Variants in FBXL17 observed in about 807,000 individuals in gnomAD.
The protein encoded by FBXL17 is F-box and leucine rich repeat protein 17.
In FBXL17, 22 loss-of-function variants were observed where a neutral mutation model predicts 66.2. The observed-to-expected ratio is 0.33, with a 90% CI of 0.24 to 0.47. FBXL17 has a LOEUF of 0.47. Ranked by LOEUF, FBXL17 falls within the 20% of genes least tolerant of loss-of-function variation. The pLI, the probability that FBXL17 is intolerant of heterozygous loss-of-function variation, is 1.00. For missense variants in FBXL17, 878 were observed against 948.2 expected, an observed-to-expected ratio of 0.93 and a Z score of 0.97; for synonymous variants, 474 against 400.5, an observed-to-expected ratio of 1.18 and a Z score of -2.19.
chr5:108,113,291 T>C (rs1750110913), intron 6 of FBXL17, among the ~76,000 whole-genome samples: 1 of 152,116 alleles, frequency 6.6e-6, no homozygotes, highest in Non-Finnish European at 1.5e-5. Context: ...AGACGGGATG[T>C]AATCTGCAAC....
At chr5:108,270,781 A>G (rs374631902) in intron 4 of FBXL17, among the ~76,000 whole-genome samples, 1 of 152,130 alleles carries the variant, frequency 6.6e-6, no homozygotes, top group Non-Finnish European at 1.5e-5. Flanking sequence ...TTATGTTAAC[A>G]GTTTTAAATT....
chr5:108,102,854 T>A (rs890562757), intron 6 of FBXL17, among the ~76,000 whole-genome samples: 3 of 152,186 alleles, frequency 2.0e-5, no homozygotes, highest in African/African-American at 7.2e-5. Context: ...TCTTATAAGA[T>A]AGAGAAATCT....
intron 7 of FBXL17, among the ~76,000 whole-genome samples, chr5:107,913,120 T>C (rs550798749): frequency 2.6e-5 from 4 of 152,046 alleles, no homozygotes; most frequent in South Asian, 2.1e-4. Context: ...ACAATACATA[T>C]GGAGAGTTGC....
At chr5:107,878,008 T>C (rs948091868) in intron 8 of FBXL17, among the ~76,000 whole-genome samples, 4 of 152,188 alleles carry the variant, frequency 2.6e-5, no homozygotes, top group Non-Finnish European at 5.9e-5. Context: ...CAGTCTTATC[T>C]TCAACTCACC....
chr5:107,957,241 C>T (rs1228654426), intron 7 of FBXL17, among the ~76,000 whole-genome samples: 1 of 152,072 alleles, frequency 6.6e-6, no homozygotes, highest in African/African-American at 2.4e-5. Context: ...ATAATAGGGA[C>T]AGAGACCCAG....
chr5:108,126,280 C>G (rs765603583), intron 6 of FBXL17, among the ~76,000 whole-genome samples: 1 of 152,074 alleles, frequency 6.6e-6, no homozygotes, highest in African/African-American at 2.4e-5. Context: ...GGTCCAAAGG[C>G]ACATTTTCTT....
At chr5:107,946,909 T>C (rs1410350348) in intron 7 of FBXL17, among the ~76,000 whole-genome samples, 1 of 152,096 alleles carries the variant, frequency 6.6e-6, no homozygotes, top group Admixed American at 6.6e-5. Context: ...CACAGTGACA[T>C]CTGGAGGGTG....
chr5:108,224,155 G>T lies in FBXL17; in HGVS notation c.1580C>A (p.Ser527Ter). ...ELQYVGFMGC[S>*]VTSKGVIHLT... is the part of the protein sequence containing the mutation. ...GTGAATGACTCCTTTAGAAGTGACT[G>T]AACAACCCATGAAGCCTACATATTG... Residue 527 changes from serine (S) to a stop codon, truncating the protein, a stop_gained, in exon 5 of 9, where the codon TCA (serine) becomes TAA (stop). Transcript: ENST00000542267. LOFTEE classifies it high-confidence loss of function. The T allele has an allele frequency of 1.2e-6, 2 of 1,611,008 alleles. No individual in the cohort carries two copies. The highest frequency in any genetic ancestry group is 2.2e-5 in the South Asian group (2 of 90,612).
intron 6 of FBXL17, among the ~76,000 whole-genome samples, chr5:108,071,397 T>C (rs17441920): frequency 0.12 from 18,771 of 152,218 alleles, 1,400 homozygotes; most frequent in East Asian, 0.17. Flanking sequence ...ATCTCATGTG[T>C]AGACTTGAAA....
intron 6 of FBXL17, among the ~76,000 whole-genome samples, chr5:108,044,804 T>C (rs554667278): frequency 3.9e-5 from 6 of 152,188 alleles, no homozygotes; most frequent in African/African-American, 1.4e-4. Context: ...AAATTATCGA[T>C]GCAATTTCCT....
intron 4 of FBXL17, among the ~76,000 whole-genome samples, chr5:108,335,723 C>T (rs1031068671): frequency 6.6e-6 from 1 of 151,948 alleles, no homozygotes; most frequent in African/African-American, 2.4e-5. Context: ...CAGCAATTAG[C>T]ATAATTATAT....
At chr5:108,103,334 C>T (rs1275538330) in intron 6 of FBXL17, among the ~76,000 whole-genome samples, 2 of 152,196 alleles carry the variant, frequency 1.3e-5, no homozygotes, top group Non-Finnish European at 2.9e-5. Flanking sequence ...AGCCATTCTG[C>T]TTTCCAGTGG....
intron 8 of FBXL17, chr5:107,878,255 A>G (rs1165421851): frequency 1.0e-6 from 1 of 961,766 alleles, no homozygotes; most frequent in East Asian, 1.1e-4. Flanking sequence ...TTTCTTTTTA[A>G]TTGTCTTTCA....
At chr5:108,005,442 T>C (rs529918138) in intron 7 of FBXL17, among the ~76,000 whole-genome samples, 13 of 152,278 alleles carry the variant, frequency 8.5e-5, no homozygotes, top group African/African-American at 2.9e-4. Context: ...AAATGTGGTA[T>C]GGATGGTGGT....
intron 6 of FBXL17, among the ~76,000 whole-genome samples, chr5:108,151,969 T>C (rs73210826): frequency 6.6e-6 from 1 of 152,158 alleles, no homozygotes; most frequent in Non-Finnish European, 1.5e-5. Context: ...AGTAAGAAAT[T>C]GTGGTCTCAA....
intron 4 of FBXL17, among the ~76,000 whole-genome samples, chr5:108,305,678 T>C (rs991908303): frequency 1.8e-4 from 28 of 152,060 alleles, no homozygotes; most frequent in African/African-American, 6.5e-4. Context: ...TTCAGTCCAA[T>C]TGAGTTTTGG....
intron 4 of FBXL17, among the ~76,000 whole-genome samples, chr5:108,302,415 C>A (rs1046870427): frequency 2.7e-4 from 41 of 151,656 alleles, no homozygotes; most frequent in African/African-American, 9.7e-4. Flanking sequence ...ATATCTTTAC[C>A]TAGAAGCCTC....
intron 4 of FBXL17, among the ~76,000 whole-genome samples, chr5:108,312,398 T>TAGC (rs1759166872): frequency 6.6e-6 from 1 of 152,172 alleles, no homozygotes; most frequent in African/African-American, 2.4e-5. Context: ...ATATCCTGAG[T>TAGC]AGCAGATTGC....
intron 4 of FBXL17, among the ~76,000 whole-genome samples, chr5:108,330,853 T>C (rs1226155092): frequency 6.6e-6 from 1 of 151,982 alleles, no homozygotes; most frequent in Admixed American, 6.6e-5. Context: ...GGTACAAACA[T>C]GTATTCTATA....
Sources: gnomAD v4.1 joint callset for allele counts (sites outside exome capture counted in the v4.1 genomes callset) on GRCh38, gnomAD v4.1.1 for gene constraint, MANE v1.5 for transcripts, NCBI Gene and HGNC (gene_info 2026-07-23, HGNC 2026-07-21) for gene names.